SLC26A5: variants seen among roughly 807,000 people sequenced by gnomAD.
SLC26A5 encodes prestin.
In SLC26A5, 51 loss-of-function variants were observed where a neutral mutation model predicts 81.0. That is an observed-to-expected ratio of 0.63 (90% CI 0.50 to 0.80). The LOEUF (loss-of-function observed/expected upper bound fraction) is 0.80. SLC26A5 is among the 30% of genes least tolerant of loss of function. The probability of loss-of-function intolerance (pLI) is 0.00; values close to 1 mark genes in which losing one functional copy is unlikely to be tolerated. For missense variants in SLC26A5, 771 were observed against 905.8 expected (o/e 0.85, Z 1.91); for synonymous variants, 325 against 332.8 (o/e 0.98, Z 0.25).
At chr7:103,403,933 A>T (rs571513969) in intron 8 of SLC26A5, among the ~76,000 whole-genome samples, 6 of 152,256 alleles carry the variant, frequency 3.9e-5, no homozygotes, top group Non-Finnish European at 8.8e-5. Context: ...CTGTAATCCC[A>T]GCACTTTGGG....
At chr7:103,445,310 C>T (rs1270199033) in intron 1 of SLC26A5, 1 of 152,106 alleles carries the variant, frequency 6.6e-6, no homozygotes, top group Non-Finnish European at 1.5e-5. Context: ...CGGGGCCCGG[C>T]CCAGGTGCGC....
intron 8 of SLC26A5, among the ~76,000 whole-genome samples, chr7:103,404,889 C>CT (rs576734014): frequency 2.7e-4 from 41 of 151,494 alleles, no homozygotes; most frequent in Middle Eastern, 6.8e-3. Flanking sequence ...CCTTTTCATT[C>CT]TTTTTTTTTC....
chr7:103,415,111 A>C (rs1399014715), intron 4 of SLC26A5, among the ~76,000 whole-genome samples: 2 of 152,120 alleles, frequency 1.3e-5, no homozygotes, highest in African/African-American at 4.8e-5. Context: ...CAATTAGAAA[A>C]CTCATTTAAT....
chr7:103,374,668 C>T, intron 19 of SLC26A5, 76 bp from the exon 20 acceptor site: 1 of 1,320,660 alleles, frequency 7.6e-7, no homozygotes, highest in Non-Finnish European at 1.0e-6. Context: ...GTAACACTTC[C>T]ATATAGTGTT....
chr7:103,400,544 T>G (rs573648066), intron 8 of SLC26A5, among the ~76,000 whole-genome samples: 152 of 152,344 alleles, frequency 1.0e-3, no homozygotes, highest in Non-Finnish European at 1.9e-3. Context: ...GGTAGTTTCT[T>G]TTGCTGTGCA....
chr7:103,400,075 G>A (rs894169678), intron 8 of SLC26A5, among the ~76,000 whole-genome samples: 3 of 151,592 alleles, frequency 2.0e-5, no homozygotes, highest in African/African-American at 7.3e-5. Flanking sequence ...TAATCCTTTG[G>A]GTATATACCC....
intron 2 of SLC26A5, among the ~76,000 whole-genome samples, chr7:103,426,291 C>T (rs1825706748): frequency 1.3e-5 from 2 of 152,104 alleles, no homozygotes; most frequent in African/African-American, 2.4e-5. Flanking sequence ...AAATCTCAAA[C>T]AAATTTAGAT....
chr7:103,409,984 G>T (rs1046283968), intron 7 of SLC26A5, among the ~76,000 whole-genome samples: 1 of 152,144 alleles, frequency 6.6e-6, no homozygotes, highest in Non-Finnish European at 1.5e-5. Flanking sequence ...TGGGATTACA[G>T]GCATAAGCCA....
intron 4 of SLC26A5, among the ~76,000 whole-genome samples, chr7:103,415,254 C>T (rs550699258): frequency 2.6e-5 from 4 of 152,252 alleles, no homozygotes; most frequent in South Asian, 2.1e-4. Context: ...TGTATGCATA[C>T]GATTTAAAAA....
Position 103,382,006 on chromosome 7 carries a change from C to T in SLC26A5, c.1515-1457G>A, listed in dbSNP as rs150774024. ...GCACATCACACACCCTATACCTCCC[C>T]TCCCCCCAACACCATACCACAAACA... On this transcript the variant is annotated intron_variant, in intron 14 of 19. Coordinates refer to ENST00000306312, the MANE Select transcript of SLC26A5 (RefSeq NM_198999.3). 8.3e-4 allele frequency among the ~76,000 whole-genome samples: 127 copies of T among 152,176 alleles called. 1 individual carries two copies. Among genetic ancestry groups the T allele is most frequent in the African/African-American group, 2.8e-3 (116 of 41,520 alleles).
chr7:103,362,677 C>T, intron 19 of SLC26A5: 1 of 1,594,038 alleles, frequency 6.3e-7, no homozygotes. Flanking sequence ...ATCTTTTTTA[C>T]TTCCTTAGCG....
chr7:103,440,197 T>C (rs904909662), intron 2 of SLC26A5, among the ~76,000 whole-genome samples: 1 of 152,142 alleles, frequency 6.6e-6, no homozygotes, highest in Admixed American at 6.5e-5. Context: ...TGAGTGACTC[T>C]AGGAAGAAAG....
In SLC26A5 at chr7:103,363,505, A is replaced by G. The variant is rs1454995342; in HGVS notation, c.2042-10579T>C. On this transcript the variant is annotated intron_variant, in intron 19 of 19. Transcript: ENST00000339444. ...GATGTCTTTTGTGTATTGAGCACTA[A>G]AATTGCTTGTATATTAGATGGCTTT... The G allele has an allele frequency of 1.3e-5, 18 of 1,392,918 alleles. No homozygotes were observed. The East Asian group carries it at 4.1e-4, about 32-fold the overall frequency. 86.3% of individuals were successfully genotyped at this position (1,392,918 alleles called of 1,614,324 possible).
chr7:103,377,933 G>T (rs919428483), intron 17 of SLC26A5, 134 bp from the exon 18 acceptor site: 3 of 821,292 alleles, frequency 3.7e-6, no homozygotes, highest in African/African-American at 3.4e-5. Flanking sequence ...TAAAATATTT[G>T]TCATATTCTA....
At chr7:103,378,670 A>T in intron 16 of SLC26A5, 117 bp from the exon 17 acceptor site, 1 of 875,260 alleles carries the variant, frequency 1.1e-6, no homozygotes, top group Non-Finnish European at 1.9e-6. Flanking sequence ...TATCACCCCA[A>T]CCCTTGCACT....
At chr7:103,353,849 C>T in intron 19 of SLC26A5, 6 of 1,283,238 alleles carry the variant, frequency 4.7e-6, no homozygotes, top group Non-Finnish European at 1.1e-6. Context: ...AGAAAAAAAG[C>T]TCTAGTTTCT....
intron 3 of SLC26A5, among the ~76,000 whole-genome samples, 174 bp downstream of exon 3, chr7:103,421,189 C>A (rs1254031047): frequency 6.6e-6 from 1 of 152,164 alleles, no homozygotes; most frequent in African/African-American, 2.4e-5. Flanking sequence ...CATGATGAAG[C>A]CTGTGTGCAA....
At chr7:103,420,952 T>G (rs1390814004) in intron 3 of SLC26A5, 75 bp from the exon 4 acceptor site, 12 of 1,492,092 alleles carry the variant, frequency 8.0e-6, no homozygotes, top group Non-Finnish European at 1.0e-5. Flanking sequence ...CAAAGCATTT[T>G]CCCTTCCTTA....
chr7:103,360,602 C>T (rs78906348), intron 19 of SLC26A5, among the ~76,000 whole-genome samples: 2,577 of 152,284 alleles, frequency 0.017, 71 homozygotes, highest in East Asian at 0.11. Context: ...TACCTATGTG[C>T]GCACTCCACA....
Sources: allele counts gnomAD v4.1 joint callset (sites outside exome capture counted in the v4.1 genomes callset), GRCh38; gene constraint gnomAD v4.1.1; transcripts MANE v1.5; gene names NCBI Gene and HGNC (gene_info 2026-07-23, HGNC 2026-07-21).